The following PTPRM variants were observed in gnomAD, a reference collection of about 807,000 sequenced individuals.
PTPRM encodes receptor-type tyrosine-protein phosphatase mu.
Under a neutral mutation model 186.7 loss-of-function variants are expected in PTPRM, and 47 were observed. The observed-to-expected ratio is 0.25, with a 90% CI of 0.20 to 0.32. The LOEUF (loss-of-function observed/expected upper bound fraction) is 0.32. Among genes scored for constraint, PTPRM ranks in the 10% least tolerant of loss-of-function variants. PTPRM has a pLI of 1.00. For missense variants in PTPRM, 1,494 were observed against 1,865.0 expected, an observed-to-expected ratio of 0.80 and a Z score of 3.66; for synonymous variants, 668 against 674.9, an observed-to-expected ratio of 0.99 and a Z score of 0.16.
chr18:8,192,148 G>C (rs1209957751), intron 14 of PTPRM, among the ~76,000 whole-genome samples: 2 of 152,048 alleles, frequency 1.3e-5, no homozygotes, highest in African/African-American at 4.8e-5. Flanking sequence ...GAAAGATGCA[G>C]ATACTTTGTT....
At chr18:8,033,497 G>T (rs2086127152) in intron 7 of PTPRM, among the ~76,000 whole-genome samples, 1 of 152,134 alleles carries the variant, frequency 6.6e-6, no homozygotes, top group Non-Finnish European at 1.5e-5. Flanking sequence ...CACACCCAGG[G>T]TATATGGTGT....
intron 1 of PTPRM, among the ~76,000 whole-genome samples, chr18:7,680,068 G>T (rs2039445381): frequency 6.6e-6 from 1 of 151,978 alleles, no homozygotes. Flanking sequence ...GTTTCACCAT[G>T]TTGCCCAGGC....
At chr18:7,604,104 C>G (rs2037471984) in intron 1 of PTPRM, among the ~76,000 whole-genome samples, 1 of 152,172 alleles carries the variant, frequency 6.6e-6, no homozygotes, top group South Asian at 2.1e-4. Flanking sequence ...GGGAATTGAG[C>G]CCAATACATT....
intron 2 of PTPRM, among the ~76,000 whole-genome samples, chr18:7,856,886 C>A (rs928752849): frequency 6.6e-6 from 1 of 152,164 alleles, no homozygotes; most frequent in African/African-American, 2.4e-5. Context: ...AGGCGGTACT[C>A]ACCTCAAAAA....
chr18:7,790,746 T>C (rs2145202358), intron 2 of PTPRM, among the ~76,000 whole-genome samples: 1 of 152,326 alleles, frequency 6.6e-6, no homozygotes, highest in South Asian at 2.1e-4. Flanking sequence ...CTATTTCTAC[T>C]AATCACCTGG....
At chr18:8,233,372 G>A (rs2094309743) in intron 14 of PTPRM, among the ~76,000 whole-genome samples, 1 of 152,204 alleles carries the variant, frequency 6.6e-6, no homozygotes, top group South Asian at 2.1e-4. Flanking sequence ...TAACAGATGT[G>A]TGGTGGTATC....
At chr18:8,348,088 C>A (rs1248740315) in intron 23 of PTPRM, among the ~76,000 whole-genome samples, 1 of 152,242 alleles carries the variant, frequency 6.6e-6, no homozygotes, top group Non-Finnish European at 1.5e-5. Context: ...ACAACAACAA[C>A]AAACCACCCA....
intron 11 of PTPRM, among the ~76,000 whole-genome samples, chr18:8,095,386 A>C (rs2145438046): frequency 6.6e-6 from 1 of 152,112 alleles, no homozygotes; most frequent in South Asian, 2.1e-4. Context: ...TGAGAGAGAC[A>C]GGTTGGCTCC....
chr18:7,949,053 T>TG, intron 5 of PTPRM, 128 bp from the exon 6 acceptor site: 1 of 841,534 alleles, frequency 1.2e-6, no homozygotes, highest in Non-Finnish European at 1.8e-6. Context: ...CAACTGCCCA[T>TG]GGGTAATAAG....
At chr18:7,721,414 A>G (rs999711619) in intron 1 of PTPRM, among the ~76,000 whole-genome samples, 4 of 152,130 alleles carry the variant, frequency 2.6e-5, no homozygotes, top group South Asian at 4.1e-4. Context: ...CTCTCATTCT[A>G]TGGGTTGCCT....
At chr18:7,611,549 A>G (rs1038654724) in intron 1 of PTPRM, among the ~76,000 whole-genome samples, 4 of 152,198 alleles carry the variant, frequency 2.6e-5, no homozygotes, top group East Asian at 3.8e-4. Flanking sequence ...TGTATAGTCT[A>G]GGAGCAATAG....
intron 1 of PTPRM, among the ~76,000 whole-genome samples, chr18:7,682,451 G>A (rs1364017705): frequency 1.3e-5 from 2 of 152,150 alleles, no homozygotes; most frequent in African/African-American, 4.8e-5. Context: ...AGCATCTTAA[G>A]TTTCACTCAT....
intron 1 of PTPRM, among the ~76,000 whole-genome samples, chr18:7,584,829 G>A (rs1434337075): frequency 6.6e-6 from 1 of 152,242 alleles, no homozygotes; most frequent in Non-Finnish European, 1.5e-5. Flanking sequence ...TGTGCCTTCT[G>A]TGGGTGAGTA....
At chr18:8,068,256 C>A (rs2089228797) in intron 7 of PTPRM, among the ~76,000 whole-genome samples, 1 of 152,114 alleles carries the variant, frequency 6.6e-6, no homozygotes, top group African/African-American at 2.4e-5. Context: ...AATTGTAGAT[C>A]TCTTTACATT....
At chr18:8,258,890 CATGT>C (rs1207595473) in intron 19 of PTPRM, among the ~76,000 whole-genome samples, 2 of 151,838 alleles carry the variant, frequency 1.3e-5, no homozygotes, top group Non-Finnish European at 2.9e-5. Flanking sequence ...TGTGTGTGTA[CATGT>C]ATGTATCTAA....
At chr18:8,137,667 A>C (rs1047976123) in intron 13 of PTPRM, among the ~76,000 whole-genome samples, 2 of 152,054 alleles carry the variant, frequency 1.3e-5, no homozygotes, top group Admixed American at 6.5e-5. Context: ...CCTCAGTTCC[A>C]AATCCTCTTC....
chr18:7,784,443 A>C (rs956875025), intron 2 of PTPRM, among the ~76,000 whole-genome samples: 1 of 152,130 alleles, frequency 6.6e-6, no homozygotes, highest in African/African-American at 2.4e-5. Flanking sequence ...AGTTCCTGGA[A>C]TACCTGCTGT....
At position 7,596,645 on chromosome 18, in the gene PTPRM, C is replaced by T. The variant is rs2037268934; in HGVS notation, c.73+28754C>T. Reference sequence around the variant, plus strand: ...TGGTATATATAGGGTTTGGTACTGTCTGCAGTGTCAGGGATCCACCAAATA... The same window carrying T: ...TGGTATATATAGGGTTTGGTACTGTTTGCAGTGTCAGGGATCCACCAAATA... On this transcript the variant is annotated intron_variant, in intron 1 of 32. Transcript: ENST00000580170. Among the ~76,000 whole-genome samples, 3 of 152,116 alleles carry T rather than the reference C, an allele frequency of 2.0e-5. No homozygotes were observed. The South Asian group carries it at 6.2e-4, about 32-fold the overall frequency.
At chr18:7,776,441 T>TCCATCAG (rs1568115281) in intron 2 of PTPRM, among the ~76,000 whole-genome samples, 2 of 152,172 alleles carry the variant, frequency 1.3e-5, no homozygotes, top group Non-Finnish European at 2.9e-5. Flanking sequence ...TTCTGAAAAC[T>TCCATCAG]ATTGTTGCTC....
Sources: allele counts gnomAD v4.1 joint callset (sites outside exome capture counted in the v4.1 genomes callset), GRCh38; gene constraint gnomAD v4.1.1; transcripts MANE v1.5; gene names NCBI Gene and HGNC (gene_info 2026-07-23, HGNC 2026-07-21).